The following RNF144A variants were observed in gnomAD, a reference collection of about 807,000 sequenced individuals.
RNF144A encodes ring finger protein 144A.
RNF144A carries 11 observed loss-of-function variants against 38.7 expected under a neutral mutation model. That is an observed-to-expected ratio of 0.28 (90% CI 0.18 to 0.47). RNF144A has a LOEUF of 0.47. Ranked by LOEUF, RNF144A falls within the 20% of genes least tolerant of loss-of-function variation. The pLI is 0.99. For missense variants in RNF144A, 316 were observed against 377.2 expected, an observed-to-expected ratio of 0.84 and a Z score of 1.34; for synonymous variants, 149 against 143.9, an observed-to-expected ratio of 1.04 and a Z score of -0.25.
In RNF144A at chr2:6,986,655, CAT is replaced by C. The variant is rs771433663; in HGVS notation, c.-11-10252_-11-10251del. ...CTATTCAAGGTTTATCATAGATGTC[CAT>C]ATATATATCTCCTGCTGCTTTTTCT... On this transcript the variant is annotated intron_variant, in intron 2 of 8. Coordinates refer to ENST00000320892, the MANE Select transcript of RNF144A (RefSeq NM_014746.6). 2.6e-5 allele frequency among the ~76,000 whole-genome samples: 4 copies of C among 152,160 alleles called. No individual in the cohort carries two copies. The South Asian group carries it at 6.2e-4, about 24-fold the overall frequency.
At chr2:6,956,583 T>G (rs1224685890) in intron 2 of RNF144A, among the ~76,000 whole-genome samples, 1 of 152,228 alleles carries the variant, frequency 6.6e-6, no homozygotes, top group African/African-American at 2.4e-5. Context: ...GAATTTAATT[T>G]GCAGTTGGGT....
At chr2:6,956,466 T>C (rs1380180762) in intron 2 of RNF144A, among the ~76,000 whole-genome samples, 1 of 152,210 alleles carries the variant, frequency 6.6e-6, no homozygotes, top group South Asian at 2.1e-4. Flanking sequence ...GGTTGTTGCA[T>C]AGATCCCCAT....
chr2:7,068,867 G>A (rs373108059), downstream of RNF144A, among the ~76,000 whole-genome samples: 1 of 152,184 alleles, frequency 6.6e-6, no homozygotes, highest in Non-Finnish European at 1.5e-5. Flanking sequence ...TGTCCCATAT[G>A]CTGAAGTCAC....
intron 3 of RNF144A, among the ~76,000 whole-genome samples, chr2:7,012,847 T>TAA (rs1670906197): frequency 6.6e-6 from 1 of 152,322 alleles, no homozygotes; most frequent in East Asian, 1.9e-4. Flanking sequence ...AATGTCTTCA[T>TAA]AAACCATAGG....
chr2:6,973,409 C>T (rs749283464), intron 2 of RNF144A, among the ~76,000 whole-genome samples: 3 of 152,182 alleles, frequency 2.0e-5, no homozygotes, highest in Admixed American at 6.5e-5. Context: ...CTGTGTATAT[C>T]GGCATGTAAG....
At chr2:6,926,111 C>G (rs942741660) in intron 1 of RNF144A, among the ~76,000 whole-genome samples, 1 of 152,234 alleles carries the variant, frequency 6.6e-6, no homozygotes, top group Middle Eastern at 3.2e-3. Flanking sequence ...GCCAGGTTCT[C>G]TCTTCTTTCA....
At chr2:6,927,975 A>T (rs1453001443) in intron 1 of RNF144A, among the ~76,000 whole-genome samples, 1 of 152,122 alleles carries the variant, frequency 6.6e-6, no homozygotes, top group African/African-American at 2.4e-5. Flanking sequence ...GGATTCTGGG[A>T]TCCCAGCATG....
rs1673090662 is a variant in RNF144A at position 7,042,261 on chromosome 2, C to A, written c.*2501C>A. On this transcript the variant is annotated 3_prime_UTR_variant, in exon 9 of 9. Coordinates refer to ENST00000320892, the MANE Select transcript of RNF144A (RefSeq NM_014746.6). ...CCTGCTTGATGTAAAATGGAAATAGCACACAGGCAGATGGCCCTGGGTTTG... is the reference window on the plus strand; with the variant it reads ...CCTGCTTGATGTAAAATGGAAATAGAACACAGGCAGATGGCCCTGGGTTTG... 4.1e-6 allele frequency: 4 copies of A among 985,290 alleles called. No homozygotes were observed. The highest frequency in any genetic ancestry group is 4.8e-6 in the Non-Finnish European group (4 of 829,944). 61.0% of individuals were successfully genotyped at this position (985,290 alleles called of 1,614,324 possible).
intron 1 of RNF144A, among the ~76,000 whole-genome samples, chr2:6,922,102 A>G (rs1664574026): frequency 6.6e-6 from 1 of 152,040 alleles, no homozygotes; most frequent in South Asian, 2.1e-4. Flanking sequence ...TGTTCCCTCC[A>G]TTTCCTTTCC....
downstream of RNF144A, among the ~76,000 whole-genome samples, chr2:7,072,981 C>G (rs1303037339): frequency 7.9e-5 from 12 of 152,206 alleles, no homozygotes; most frequent in Non-Finnish European, 1.3e-4. Context: ...CCTGTCCTTC[C>G]TGTCCTTGAA....
chr2:7,005,326 G>A (rs945932272), intron 3 of RNF144A, among the ~76,000 whole-genome samples: 2 of 152,198 alleles, frequency 1.3e-5, no homozygotes, highest in African/African-American at 2.4e-5. Context: ...GGGTTCCGAG[G>A]ACCATCGGTG....
chr2:6,954,808 T>C (rs1666898055), intron 2 of RNF144A, among the ~76,000 whole-genome samples: 1 of 152,218 alleles, frequency 6.6e-6, no homozygotes, highest in African/African-American at 2.4e-5. Flanking sequence ...TGTGACACAC[T>C]TTGCAAATGT....
intron 2 of RNF144A, among the ~76,000 whole-genome samples, chr2:6,961,234 A>G (rs1239167818): frequency 6.6e-6 from 1 of 152,080 alleles, no homozygotes; most frequent in Non-Finnish European, 1.5e-5. Context: ...AGAAAGGTCT[A>G]TTGCTTCATA....
intron 6 of RNF144A, among the ~76,000 whole-genome samples, chr2:7,052,306 G>A (rs909438873): frequency 6.6e-6 from 1 of 152,160 alleles, no homozygotes; most frequent in Admixed American, 6.5e-5. Flanking sequence ...TCTAACATGA[G>A]GAGCCCCGGC....
At chr2:6,936,399 ATG>A (rs150277364) in intron 1 of RNF144A, among the ~76,000 whole-genome samples, 7 of 152,024 alleles carry the variant, frequency 4.6e-5, no homozygotes, top group South Asian at 2.1e-4. Flanking sequence ...CTATAGATGC[ATG>A]TGTGTGTGTG....
intron 2 of RNF144A, among the ~76,000 whole-genome samples, chr2:6,959,405 C>T (rs551414639): frequency 2.0e-5 from 3 of 150,932 alleles, no homozygotes; most frequent in East Asian, 1.9e-4. Flanking sequence ...TGTACAATTG[C>T]GTGTGCACAT....
Position 7,043,243 on chromosome 2 carries a change from C to T in RNF144A, c.*3483C>T. The T allele has an allele frequency of 1.0e-6, 1 of 985,172 alleles. No individual in the cohort carries two copies. Among genetic ancestry groups the T allele is most frequent in the Non-Finnish European group, 1.2e-6 (1 of 829,708 alleles). 61.0% of individuals were successfully genotyped at this position (985,172 alleles called of 1,614,324 possible). A position where few individuals can be genotyped will look rare whatever the true frequency, so the allele number is the denominator to read the frequency against. On this transcript the variant is annotated 3_prime_UTR_variant, in exon 9 of 9. Transcript: ENST00000320892. ...ACCAGTTTAGGGCACAGGCCAGTTCCTGATTAGAACACAGGACCTGTGGGA... is the reference window on the plus strand; with the variant it reads ...ACCAGTTTAGGGCACAGGCCAGTTCTTGATTAGAACACAGGACCTGTGGGA...
In RNF144A at chr2:7,003,629, A is replaced by G. The variant is rs570518654; in HGVS notation, c.135+6568A>G. ...TAGGTATATGTTACTACATTCTATAATGTTTGCACAGTGACAGAATCCTCT... is the reference window on the plus strand; with the variant it reads ...TAGGTATATGTTACTACATTCTATAGTGTTTGCACAGTGACAGAATCCTCT... On this transcript the variant is annotated intron_variant, in intron 3 of 8. Transcript: ENST00000320892. Among the ~76,000 whole-genome samples the G allele has an allele frequency of 7.9e-5, 12 of 152,330 alleles. No homozygotes were observed. In the East Asian group the frequency reaches 2.3e-3, roughly 29 times the overall value.
At position 7,042,492 on chromosome 2, in the gene RNF144A, T is replaced by G. The variant is rs1360118980; in HGVS notation, c.*2732T>G. ...CTGGGGAGTAAGGGGCGAAGGCCCT[T>G]AGACAACCATGGCTGCTGTACTGCC... On this transcript the variant is annotated 3_prime_UTR_variant, in exon 9 of 9. Transcript: ENST00000320892. 1 of 985,396 alleles carries G rather than the reference T, an allele frequency of 1.0e-6. No homozygotes were observed. The highest frequency in any genetic ancestry group is 1.1e-4 in the East Asian group (1 of 8,820). 61.0% of individuals were successfully genotyped at this position (985,396 alleles called of 1,614,324 possible). A position where few individuals can be genotyped will look rare whatever the true frequency, so the allele number is the denominator to read the frequency against.
Sources: allele counts gnomAD v4.1 joint callset (sites outside exome capture counted in the v4.1 genomes callset), GRCh38; gene constraint gnomAD v4.1.1; transcripts MANE v1.5; gene names NCBI Gene and HGNC (gene_info 2026-07-23, HGNC 2026-07-21).